The following ECPAS variants were observed in gnomAD, a reference collection of about 807,000 sequenced individuals.
ECPAS encodes proteasome adapter and scaffold protein ECM29.
A neutral mutation model predicts 255.1 loss-of-function variants in ECPAS; 70 were observed. That is an observed-to-expected ratio of 0.27 (90% CI 0.23 to 0.33). The LOEUF (loss-of-function observed/expected upper bound fraction) is 0.33, where lower values mean the gene tolerates loss of function less well. ECPAS is among the 10% of genes least tolerant of loss of function. The pLI, the probability that ECPAS is intolerant of heterozygous loss-of-function variation, is 1.00. For missense variants in ECPAS, 1,817 were observed against 2,206.4 expected, an observed-to-expected ratio of 0.82 and a Z score of 3.54; for synonymous variants, 784 against 775.0, an observed-to-expected ratio of 1.01 and a Z score of -0.19.
intron 2 of ECPAS, among the ~76,000 whole-genome samples, chr9:111,469,181 T>C (rs1447949692): frequency 6.6e-6 from 1 of 150,942 alleles, no homozygotes; most frequent in Non-Finnish European, 1.5e-5. Context: ...GAGGTTACAG[T>C]AAGCCAAAAT....
chr9:111,366,048 A>G, intron 48 of ECPAS, 191 bp downstream of exon 48: 1 of 541,910 alleles, frequency 1.8e-6, no homozygotes. Flanking sequence ...TCTAAACTAG[A>G]TGCTAAAATC....
chr9:111,443,438 A>T (rs2098248630), intron 4 of ECPAS, among the ~76,000 whole-genome samples: 1 of 146,162 alleles, frequency 6.8e-6, no homozygotes, highest in South Asian at 2.2e-4. Context: ...TTTAGTAGAG[A>T]TGGGGTTTCA....
intron 34 of ECPAS, 127 bp downstream of exon 34, chr9:111,384,395 G>A (rs2098144617): frequency 3.8e-6 from 3 of 780,964 alleles, no homozygotes; most frequent in Non-Finnish European, 6.6e-6. Flanking sequence ...TCTAAGAGCA[G>A]TGAACTACAA....
intron 22 of ECPAS, 120 bp from the exon 23 acceptor site, chr9:111,410,333 C>A (rs1398885265): frequency 2.7e-6 from 2 of 738,486 alleles, no homozygotes; most frequent in Admixed American, 6.6e-5. Flanking sequence ...TGTACGATAT[C>A]TTCTAGTTGA....
chr9:111,426,046 T>C (rs983492775), intron 10 of ECPAS, among the ~76,000 whole-genome samples: 4 of 152,306 alleles, frequency 2.6e-5, no homozygotes, highest in East Asian at 1.9e-4. Context: ...CGCACAAGTC[T>C]GCAAAGATTG....
chr9:111,441,362 G>A (rs1402659409), intron 5 of ECPAS, among the ~76,000 whole-genome samples: 3 of 151,748 alleles, frequency 2.0e-5, no homozygotes, highest in Middle Eastern at 3.4e-3. Flanking sequence ...AAAGTTTGCC[G>A]GCCATGGTAG....
chr9:111,418,783 C>T (rs1480416660), intron 16 of ECPAS, among the ~76,000 whole-genome samples: 1 of 152,156 alleles, frequency 6.6e-6, no homozygotes, highest in Non-Finnish European at 1.5e-5. Context: ...GTCCAACTCC[C>T]TAGACTTAAA....
chr9:111,366,708 G>C (rs1021286059), intron 46 of ECPAS, 81 bp from the exon 47 acceptor site: 17 of 844,460 alleles, frequency 2.0e-5, no homozygotes, highest in Non-Finnish European at 3.2e-5. Flanking sequence ...GACAGGCAGA[G>C]AGAGCAAGAG....
chr9:111,388,077 G>C (rs2098153084), intron 31 of ECPAS, among the ~76,000 whole-genome samples: 1 of 152,124 alleles, frequency 6.6e-6, no homozygotes, highest in Non-Finnish European at 1.5e-5. Flanking sequence ...AATAATGGTA[G>C]AATCAGTCTT....
intron 24 of ECPAS, among the ~76,000 whole-genome samples, chr9:111,406,383 G>T (rs895837185): frequency 6.7e-6 from 1 of 149,708 alleles, no homozygotes; most frequent in Non-Finnish European, 1.5e-5. Flanking sequence ...CGGGGAAAGA[G>T]AGCTTGGCTA....
intron 23 of ECPAS, among the ~76,000 whole-genome samples, chr9:111,409,020 C>A (rs1176303135): frequency 1.3e-5 from 2 of 152,172 alleles, no homozygotes. Flanking sequence ...TGGTGTGCGA[C>A]CTTAAGCAAG....
chr9:111,463,239 A>G (rs886879405), intron 2 of ECPAS, among the ~76,000 whole-genome samples: 7 of 152,206 alleles, frequency 4.6e-5, no homozygotes, highest in African/African-American at 1.7e-4. Context: ...CATATCCTCA[A>G]TCCTTCTGGC....
intron 48 of ECPAS, among the ~76,000 whole-genome samples, chr9:111,365,288 TATCATCATC>T (rs143492409): frequency 0.18 from 25,990 of 147,572 alleles, 2,434 homozygotes; most frequent in East Asian, 0.34. Context: ...TAATAACCAT[TATCATCATC>T]ATCATCATCA....
intron 13 of ECPAS, 21 bp from the exon 14 acceptor site, chr9:111,422,221 ATT>A (rs1175419446): frequency 1.9e-6 from 3 of 1,600,480 alleles, no homozygotes; most frequent in Non-Finnish European, 2.6e-6. Context: ...ATGTAAAAAT[ATT>A]GTTACTATCA....
intron 24 of ECPAS, among the ~76,000 whole-genome samples, chr9:111,403,632 G>A (rs543379689): frequency 6.7e-6 from 1 of 149,758 alleles, no homozygotes; most frequent in Admixed American, 6.6e-5. Context: ...TTTATTAAAG[G>A]GAGAGACAGA....
At chr9:111,456,842 G>C (rs756163631) in intron 2 of ECPAS, among the ~76,000 whole-genome samples, 1 of 152,210 alleles carries the variant, frequency 6.6e-6, no homozygotes, top group East Asian at 1.9e-4. Flanking sequence ...AAAGAGTGGA[G>C]AGGGAAGAGG....
chr9:111,375,084 A>G (rs1292855925), intron 38 of ECPAS, 29 bp downstream of exon 38: 7 of 1,513,684 alleles, frequency 4.6e-6, no homozygotes, highest in Non-Finnish European at 6.4e-6. Flanking sequence ...ATGAAGATGC[A>G]CATTTCCTCT....
At chr9:111,414,103 TA>T (rs376955620) in intron 19 of ECPAS, 117 bp from the exon 20 acceptor site, 106,447 of 497,974 alleles carry the variant, frequency 0.21, no homozygotes, top group East Asian at 0.27. Flanking sequence ...TCGGTTCTAT[TA>T]AAAAAAAAAA....
chr9:111,375,127 C>T lies in ECPAS; in HGVS notation c.4096G>A (p.Gly1366Ser), dbSNP rs2098131874. Reference protein sequence around the residue: ...RLCELIRSGVGLGTKGGCASV... With the variant: ...RLCELIRSGVSLGTKGGCASV... ...AGTACACTTACCTTAGTTCCAAGAC[C>T]TACACCACTTCTGATCAGTTCACAC... is the stretch of plus-strand genomic sequence containing the variant. Residue 1366 changes from glycine (G) to serine (S), a missense_variant, in exon 38 of 50, where the codon GGT (glycine) becomes AGT (serine). Around this residue, in one of 4 missense-constraint regions of ECPAS, gnomAD observed 960 missense variants for 1,179.0 expected, o/e 0.81. Transcript: ENST00000684092. 2 of 1,613,250 alleles carry T rather than the reference C, an allele frequency of 1.2e-6. No individual in the cohort carries two copies. The highest frequency in any genetic ancestry group is 1.7e-6 in the Non-Finnish European group (2 of 1,179,386).
Sources: gnomAD v4.1 joint callset for allele counts (sites outside exome capture counted in the v4.1 genomes callset) on GRCh38, gnomAD v4.1.1 for gene constraint, gnomAD v4.1.1 regional missense constraint, MANE v1.5 for transcripts, NCBI Gene and HGNC (gene_info 2026-07-23, HGNC 2026-07-21) for gene names.